RAI2: variants seen among roughly 807,000 people sequenced by gnomAD.
The protein encoded by RAI2 is retinoic acid-induced protein 2.
In RAI2, 5 loss-of-function variants were observed where a neutral mutation model predicts 15.3. That is an observed-to-expected ratio of 0.33 (90% confidence interval 0.17 to 0.69). The LOEUF is 0.69. Ranked by LOEUF, RAI2 falls within the 30% of genes least tolerant of loss-of-function variation. The pLI is 0.69. For missense variants in RAI2, 424 were observed against 424.7 expected (o/e 1.00, Z 0.01); for synonymous variants, 191 against 184.0 (o/e 1.04, Z -0.31).
At chrX:17,851,976 C>T (rs1015210549) in intron 1 of RAI2, among the ~76,000 whole-genome samples, 3 of 111,971 alleles carry the variant, frequency 2.7e-5, no homozygotes, top group African/African-American at 9.8e-5. Context: ...ACATACCACT[C>T]AGATCTGTCT....
In RAI2 at chrX:17,801,768, C is replaced by A. The variant is rs770207709; in HGVS notation, c.243G>T (p.Leu81=). The change falls in exon 2 of 2, where the codon CTG becomes CTT. Residue 81 remains leucine (L), a synonymous_variant. Coordinates refer to ENST00000451717, the MANE Select transcript of RAI2 (RefSeq NM_021785.6). The stretch of plus-strand genomic sequence containing the variant: ...TCACCACTGGGCTCTCCCCGAGGCA[C>A]AGGGGCTGCAACACAGTGGCCGCCA... ...LKVAATVLQP[L]CLGESPVVMP... 1.7e-6 allele frequency: 2 copies of A among 1,212,115 alleles called. No individual in the cohort carries two copies.
intron 1 of RAI2, among the ~76,000 whole-genome samples, chrX:17,828,310 C>T (rs767181288): frequency 2.7e-5 from 3 of 109,767 alleles, no homozygotes; most frequent in Admixed American, 9.7e-5. Flanking sequence ...AGGCAAAGAC[C>T]TTCCTGCTTG....
chrX:17,850,000 C>T (rs1248961163), intron 1 of RAI2, among the ~76,000 whole-genome samples: 1 of 112,051 alleles, frequency 8.9e-6, no homozygotes. Flanking sequence ...GAAATCTCCC[C>T]TCATATGAGA....
chrX:17,811,958 A>G (rs2067054454), intron 1 of RAI2, among the ~76,000 whole-genome samples: 1 of 112,039 alleles, frequency 8.9e-6, no homozygotes, highest in African/African-American at 3.2e-5. Context: ...GGGTGGTTGT[A>G]ATGATTAAAG....
intron 1 of RAI2, among the ~76,000 whole-genome samples, chrX:17,836,524 G>T (rs996416704): frequency 8.9e-6 from 1 of 111,892 alleles, no homozygotes. Flanking sequence ...AATTTCTAGC[G>T]AACGAGTATG....
chrX:17,823,848 G>A (rs761878487), intron 1 of RAI2, among the ~76,000 whole-genome samples: 2 of 111,510 alleles, frequency 1.8e-5, no homozygotes, highest in Non-Finnish European at 3.8e-5. Flanking sequence ...CCAGGGGTGA[G>A]CAACCCTCCT....
In RAI2 at chrX:17,801,204, A is replaced by G; in HGVS notation, c.807T>C (p.Ser269=). Residue 269 remains serine, a synonymous_variant, in exon 2 of 2, where the codon TCT becomes TCC. Transcript: ENST00000451717. ...KFSSSFPKPP[S]SFGLHPFKGT... ...CTTTAAAGGGGTGCAGGCCGAAGGA[A>G]GATGGTGGCTTGGGGAAACTGGAGC... The G allele has an allele frequency of 8.3e-7, 1 of 1,211,405 alleles. No individual in the cohort carries two copies. The highest frequency in any genetic ancestry group is 1.1e-6 in the Non-Finnish European group (1 of 895,219).
At chrX:17,824,323 G>A (rs1364691566) in intron 1 of RAI2, among the ~76,000 whole-genome samples, 1 of 112,468 alleles carries the variant, frequency 8.9e-6, no homozygotes, top group Non-Finnish European at 1.9e-5. Flanking sequence ...GAAGTGAAGA[G>A]TAGACACTCT....
intron 1 of RAI2, among the ~76,000 whole-genome samples, chrX:17,832,385 CCT>C (rs1310376090): frequency 1.8e-5 from 2 of 111,663 alleles, no homozygotes; most frequent in Non-Finnish European, 3.8e-5. Context: ...AGTTCCCAAC[CCT>C]GTCGCACCTG....
chrX:17,857,203 G>T (rs913222398), intron 1 of RAI2, among the ~76,000 whole-genome samples: 9 of 111,603 alleles, frequency 8.1e-5, no homozygotes, highest in Non-Finnish European at 1.5e-4. Flanking sequence ...TTGTGTGTGG[G>T]AAGAGTGCAA....
chrX:17,838,477 G>A (rs1451947405), intron 1 of RAI2, among the ~76,000 whole-genome samples: 1 of 111,667 alleles, frequency 9.0e-6, no homozygotes, highest in Admixed American at 9.5e-5. Context: ...CTTGCCTAGA[G>A]CTTGGTCTCC....
intron 1 of RAI2, among the ~76,000 whole-genome samples, chrX:17,839,929 T>C (rs887099108): frequency 8.0e-5 from 9 of 112,045 alleles, no homozygotes; most frequent in Non-Finnish European, 1.7e-4. Flanking sequence ...AGAATATAGA[T>C]TTTCTATATT....
chrX:17,824,786 C>G (rs2067208298), intron 1 of RAI2, among the ~76,000 whole-genome samples: 1 of 111,900 alleles, frequency 8.9e-6, no homozygotes, highest in African/African-American at 3.3e-5. Context: ...GATGGATTTA[C>G]CTTTGAGTCC....
intron 1 of RAI2, among the ~76,000 whole-genome samples, chrX:17,842,576 A>G (rs147422196): frequency 3.2e-3 from 350 of 108,932 alleles, no homozygotes; most frequent in African/African-American, 0.011. Flanking sequence ...CAAAGTTTTG[A>G]GAAAATCAAT....
intron 1 of RAI2, among the ~76,000 whole-genome samples, chrX:17,855,979 G>A (rs749017421): frequency 1.8e-5 from 2 of 111,923 alleles, no homozygotes; most frequent in South Asian, 7.5e-4. Context: ...GGCTGCATGT[G>A]GCTAGTGGCT....
At chrX:17,840,983 G>A (rs2067390938) in intron 1 of RAI2, among the ~76,000 whole-genome samples, 1 of 112,082 alleles carries the variant, frequency 8.9e-6, no homozygotes, top group Non-Finnish European at 1.9e-5. Context: ...ATTAGAGAGG[G>A]AAACAAATCC....
chrX:17,802,058 G>C, intron 1 of RAI2, 24 bp from the exon 2 acceptor site: 1 of 1,147,234 alleles, frequency 8.7e-7, no homozygotes, highest in Admixed American at 2.8e-5. Flanking sequence ...CATACAATAT[G>C]AATCTTCCTT....
rs1230278152 is a variant in RAI2 at position 17,834,166 on chromosome X, C to T, written c.-25+26932G>A. On this transcript the variant is annotated intron_variant, in intron 1 of 1. Coordinates refer to ENST00000451717, the MANE Select transcript of RAI2 (RefSeq NM_021785.6). ...CAGCTGTTTGCTGGATTCAACTTCC[C>T]CATACATAATCATTTCAAAGGTCGT... is the stretch of plus-strand genomic sequence containing the variant. Among the ~76,000 whole-genome samples the T allele has an allele frequency of 2.7e-5, 3 of 111,730 alleles. No individual in the cohort carries two copies. The East Asian group carries it at 8.4e-4, about 31-fold the overall frequency.
At chrX:17,860,476 ACCGGGGCTC>A (rs1023994605) in intron 1 of RAI2, 4 of 112,531 alleles carry the variant, frequency 3.6e-5, no homozygotes, top group African/African-American at 1.3e-4. Context: ...ATTGGGGGGC[ACCGGGGCTC>A]CCGGGGCGCC....
Sources: allele counts gnomAD v4.1 joint callset (sites outside exome capture counted in the v4.1 genomes callset), GRCh38; gene constraint gnomAD v4.1.1; transcripts MANE v1.5; gene names NCBI Gene and HGNC (gene_info 2026-07-23, HGNC 2026-07-21).